The following AGAP1 variants were observed in gnomAD, a reference collection of about 807,000 sequenced individuals.
AGAP1 encodes arf-GAP with GTPase, ANK repeat and PH domain-containing protein 1.
AGAP1 carries 29 observed loss-of-function variants against 105.3 expected under a neutral mutation model. The observed-to-expected ratio is 0.28, with a 90% CI of 0.21 to 0.38. The LOEUF is 0.38. Among genes scored for constraint, AGAP1 ranks in the 10% least tolerant of loss-of-function variants. AGAP1 has a pLI of 1.00. For synonymous variants in AGAP1, 509 were observed against 485.9 expected (o/e 1.05, Z -0.63); for missense variants, 998 against 1,165.1 (o/e 0.86, Z 2.09).
chr2:235,558,158 A>C (rs545885088), intron 1 of AGAP1, among the ~76,000 whole-genome samples: 1 of 152,282 alleles, frequency 6.6e-6, no homozygotes, highest in African/African-American at 2.4e-5. Flanking sequence ...GGTATGCAGT[A>C]CACACGCACA....
rs1260636193 is a variant in AGAP1 at position 236,014,763 on chromosome 2, T to C, written c.1646-21798T>C. ...ATTTGTTTTCTTTTCCTTTTTGTTT[T>C]CTCTCTTTTTCCCCTCTCCCCTTTC... On this transcript the variant is annotated intron_variant, in intron 13 of 17. Transcript: ENST00000304032. The surrounding 1 kb of genome is among the most constrained non-coding windows in gnomAD (Gnocchi z 6.3). 9.7e-6 allele frequency: 4 copies of C among 411,700 alleles called. No individual in the cohort carries two copies. The highest frequency in any genetic ancestry group is 3.6e-5 in the South Asian group (2 of 55,212). 25.5% of individuals were successfully genotyped at this position (411,700 alleles called of 1,614,324 possible).
At chr2:236,059,717 A>G (rs1382496324) in intron 16 of AGAP1, among the ~76,000 whole-genome samples, 4 of 152,176 alleles carry the variant, frequency 2.6e-5, no homozygotes, top group African/African-American at 9.7e-5. Context: ...CTTCCCCATC[A>G]ATGGGGAAGG....
In AGAP1 at chr2:235,908,198, C is replaced by T. The variant is rs1342611343; in HGVS notation, c.1156-540C>T. Among the ~76,000 whole-genome samples, 1 of 152,186 alleles carries T rather than the reference C, an allele frequency of 6.6e-6. No homozygotes were observed. Among genetic ancestry groups the T allele is most frequent in the Non-Finnish European group, 1.5e-5 (1 of 68,034 alleles). Reference sequence around the variant, plus strand: ...CTGATTGCTGCTGGTCATTTGCTTCCAAGGCCTAGAAAGCCAGATACCCCT... The same window carrying T: ...CTGATTGCTGCTGGTCATTTGCTTCTAAGGCCTAGAAAGCCAGATACCCCT... On this transcript the variant is annotated intron_variant, in intron 10 of 17. Transcript: ENST00000304032. The surrounding 1 kb of genome is among the most constrained non-coding windows in gnomAD (Gnocchi z 4.4).
Position 236,087,767 on chromosome 2 carries a change from G to T in AGAP1, c.2115-32425G>T, listed in dbSNP as rs2058969955. 6.6e-6 allele frequency among the ~76,000 whole-genome samples: 1 copy of T among 152,232 alleles called. No homozygotes were observed. Among genetic ancestry groups the T allele is most frequent in the African/African-American group, 2.4e-5 (1 of 41,454 alleles). On this transcript the variant is annotated intron_variant, in intron 16 of 17. Transcript: ENST00000304032. This position sits in a 1 kb window ranked among gnomAD's most constrained non-coding sequence, Gnocchi z 5.7. ...TTGTCCATGAAGCACCAAATAAGAA[G>T]TTGGCGTCCATTAAACTAGATTGAT...
Position 235,961,452 on chromosome 2 carries a change from C to G in AGAP1, c.1484-7010C>G, listed in dbSNP as rs1033812808. Among the ~76,000 whole-genome samples, 2 of 152,216 alleles carry G rather than the reference C, an allele frequency of 1.3e-5. No individual in the cohort carries two copies. Among genetic ancestry groups the G allele is most frequent in the African/African-American group, 4.8e-5 (2 of 41,448 alleles). ...ACCTGCAGGGTGCCGCCGGCCCCAG[C>G]AAGGACACACCAGTGGTTGGTGGGA... On this transcript the variant is annotated intron_variant, in intron 12 of 17. Coordinates refer to ENST00000304032, the MANE Select transcript of AGAP1 (RefSeq NM_001037131.3). This position sits in a 1 kb window ranked among gnomAD's most constrained non-coding sequence, Gnocchi z 5.9.
intron 16 of AGAP1, among the ~76,000 whole-genome samples, chr2:236,115,655 A>G (rs1371504210): frequency 6.6e-6 from 1 of 152,192 alleles, no homozygotes; most frequent in Non-Finnish European, 1.5e-5. Context: ...TTTTCATACT[A>G]GTGAAATTTC....
At chr2:235,518,889 C>T (rs982440657) in intron 1 of AGAP1, among the ~76,000 whole-genome samples, 9 of 152,188 alleles carry the variant, frequency 5.9e-5, no homozygotes, top group East Asian at 1.9e-4. Flanking sequence ...GCTCCTGCAG[C>T]GGAAGAGTCT....
At chr2:235,764,606 C>T (rs1435364819) in intron 6 of AGAP1, among the ~76,000 whole-genome samples, 2 of 152,246 alleles carry the variant, frequency 1.3e-5, no homozygotes, top group African/African-American at 4.8e-5. Context: ...CTGCTGCGTC[C>T]TGAGTCGGCT....
intron 9 of AGAP1, among the ~76,000 whole-genome samples, chr2:235,810,789 C>A (rs1958094039): frequency 6.7e-6 from 1 of 150,104 alleles, no homozygotes; most frequent in Non-Finnish European, 1.5e-5. Context: ...CCTTTGGTGT[C>A]CTTTCTGGGG....
rs1467365065 is a variant in AGAP1 at position 235,550,597 on chromosome 2, C to T, written c.163+55748C>T. ...CAGGCGTCGGTCTGGGAGCCACAGA[C>T]AGGTGTGTTTGCCGCAGAGGTGCCG... On this transcript the variant is annotated intron_variant, in intron 1 of 17. Transcript: ENST00000304032. The surrounding 1 kb of genome is among the most constrained non-coding windows in gnomAD (Gnocchi z 4.6). Among the ~76,000 whole-genome samples, 7 of 152,164 alleles carry T rather than the reference C, an allele frequency of 4.6e-5. No homozygotes were observed. The highest frequency in any genetic ancestry group is 1.0e-4 in the Non-Finnish European group (7 of 68,034).
chr2:235,753,781 C>T lies in AGAP1; in HGVS notation c.673+3293C>T, dbSNP rs1012647015. 6.6e-6 allele frequency among the ~76,000 whole-genome samples: 1 copy of T among 151,418 alleles called. No individual in the cohort carries two copies. Among genetic ancestry groups the T allele is most frequent in the Non-Finnish European group, 1.5e-5 (1 of 67,956 alleles). Reference sequence around the variant, plus strand: ...GAAGCTACAACTTCCGTGACTATTGCGATTTTTTTGTCCTTAAAATATTTT... The same window carrying T: ...GAAGCTACAACTTCCGTGACTATTGTGATTTTTTTGTCCTTAAAATATTTT... On this transcript the variant is annotated intron_variant, in intron 6 of 17. Transcript: ENST00000304032. This position sits in a 1 kb window ranked among gnomAD's most constrained non-coding sequence, Gnocchi z 4.5.
Position 235,555,551 on chromosome 2 carries a change from G to T in AGAP1, c.163+60702G>T, listed in dbSNP as rs1300261804. On this transcript the variant is annotated intron_variant, in intron 1 of 17. Transcript: ENST00000304032. The surrounding 1 kb of genome is among the most constrained non-coding windows in gnomAD (Gnocchi z 5.1). ...CTTATGTCATGTTCCCTCTGCCACC[G>T]CCAGCTGTCCTGCAGCAGGAAGAGG... Among the ~76,000 whole-genome samples the T allele has an allele frequency of 6.6e-6, 1 of 152,346 alleles. No individual in the cohort carries two copies. The highest frequency in any genetic ancestry group is 1.9e-4 in the East Asian group (1 of 5,190).
intron 1 of AGAP1, among the ~76,000 whole-genome samples, chr2:235,501,790 C>T (rs1394214827): frequency 1.3e-5 from 2 of 152,154 alleles, no homozygotes; most frequent in Admixed American, 6.5e-5. Flanking sequence ...CGCCCCCATC[C>T]CAATCCTCCA....
chr2:235,924,601 G>T (rs1046108804), intron 11 of AGAP1, among the ~76,000 whole-genome samples: 1 of 152,168 alleles, frequency 6.6e-6, no homozygotes, highest in African/African-American at 2.4e-5. Flanking sequence ...GAGACTCCTG[G>T]ATCAAAATGA....
Position 235,569,438 on chromosome 2 carries a change from GTT to G in AGAP1, c.163+74592_163+74593del, listed in dbSNP as rs1218819663. 6.6e-6 allele frequency among the ~76,000 whole-genome samples: 1 copy of G among 152,216 alleles called. No homozygotes were observed. Among genetic ancestry groups the G allele is most frequent in the African/African-American group, 2.4e-5 (1 of 41,460 alleles). On this transcript the variant is annotated intron_variant, in intron 1 of 17. Transcript: ENST00000304032. This position sits in a 1 kb window ranked among gnomAD's most constrained non-coding sequence, Gnocchi z 5.9. ...CTTCCAAAGTAGGCTTCGGGATTCAGTTTTACAGATAGGGAAACTTAGGCACA... is the reference window on the plus strand; with the variant it reads ...CTTCCAAAGTAGGCTTCGGGATTCAGTTACAGATAGGGAAACTTAGGCACA...
chr2:235,828,510 C>T (rs896033333), intron 9 of AGAP1, among the ~76,000 whole-genome samples: 4 of 152,140 alleles, frequency 2.6e-5, no homozygotes, highest in Admixed American at 6.5e-5. Context: ...GAACTGCCCA[C>T]GAGTCACGTT....
intron 1 of AGAP1, among the ~76,000 whole-genome samples, chr2:235,641,572 C>T (rs1037785940): frequency 3.3e-5 from 5 of 152,210 alleles, no homozygotes; most frequent in African/African-American, 4.8e-5. Flanking sequence ...GCTCCTCTCC[C>T]GCCCACGCGG....
chr2:235,852,293 G>A (rs1219835410), intron 9 of AGAP1, among the ~76,000 whole-genome samples: 2 of 152,202 alleles, frequency 1.3e-5, no homozygotes, highest in Admixed American at 6.5e-5. Context: ...AGAAGGGCCC[G>A]GGCGTGCATA....
chr2:235,629,965 TATTA>T (rs2149285976), intron 1 of AGAP1, among the ~76,000 whole-genome samples: 1 of 152,284 alleles, frequency 6.6e-6, no homozygotes, highest in Non-Finnish European at 1.5e-5. Flanking sequence ...TATGATGCTT[TATTA>T]ATTAAAGTAT....
Sources: allele counts gnomAD v4.1 joint callset (sites outside exome capture counted in the v4.1 genomes callset), GRCh38; gene constraint gnomAD v4.1.1; non-coding constraint Gnocchi (gnomAD v3.1); transcripts MANE v1.5; gene names NCBI Gene and HGNC (gene_info 2026-07-23, HGNC 2026-07-21).